Variants in ZNF44 observed in about 807,000 individuals in gnomAD.
ZNF44 encodes zinc finger protein 44.
In ZNF44, 9 loss-of-function variants were observed where a neutral mutation model predicts 11.7. That is an observed-to-expected ratio of 0.77 (90% CI 0.46 to 1.35). The LOEUF is 1.35. ZNF44 is among the 40% of genes most tolerant of loss of function. ZNF44 has a pLI of 0.00. For synonymous variants in ZNF44, 224 were observed against 242.7 expected (o/e 0.92, Z 0.72); for missense variants, 696 against 743.1 (o/e 0.94, Z 0.74).
At position 12,294,853 on chromosome 19, in the gene ZNF44, C is replaced by T; in HGVS notation, c.-159G>A. ...GAGGCCACTAGCTCCTGGAACGTCA[C>T]ACCCTCCTCTCTGCCTCGCGCCTGA... On this transcript the variant is annotated 5_prime_UTR_variant, in exon 1 of 4. The change creates a new upstream start codon in the 5' untranslated region. Transcript: ENST00000355684. 1 of 778,850 alleles carries T rather than the reference C, an allele frequency of 1.3e-6. No homozygotes were observed. The allele number at this position is 778,850 out of a possible 1,614,324, so 48.2% of individuals were successfully genotyped here.
Position 12,272,294 on chromosome 19 carries a change from C to A in ZNF44, c.*113G>T. On this transcript the variant is annotated 3_prime_UTR_variant, in exon 4 of 4. Coordinates refer to ENST00000355684, the MANE Select transcript of ZNF44 (RefSeq NM_016264.4). ...CTGGGATTACAGGTGTGAGCCGCTG[C>A]GCCCAGCCTGGAAACTTCTTAAGGC... The A allele has an allele frequency of 7.2e-7, 1 of 1,380,756 alleles. No individual in the cohort carries two copies. Among genetic ancestry groups the A allele is most frequent in the Non-Finnish European group, 9.3e-7 (1 of 1,071,440 alleles). 85.5% of individuals were successfully genotyped at this position (1,380,756 alleles called of 1,614,324 possible).
chr19:12,230,572 GACA>G (rs944512732), intron 2 of ZNF44: 1 of 149,692 alleles, frequency 6.7e-6, no homozygotes, highest in Non-Finnish European at 1.5e-5. Context: ...TGAATAAAAA[GACA>G]ACGAGTGGTG....
intron 1 of ZNF44, among the ~76,000 whole-genome samples, chr19:12,276,657 C>T (rs1967234173): frequency 6.6e-6 from 1 of 152,166 alleles, no homozygotes; most frequent in Non-Finnish European, 1.5e-5. Context: ...ACCCAATCAG[C>T]CACTGCTAGG....
chr19:12,242,581 G>A (rs1390701139), upstream of ZNF44: 7 of 146,798 alleles, frequency 4.8e-5, no homozygotes, highest in South Asian at 8.5e-4. Context: ...CCAGCACTTC[G>A]AGAGGCCAAG....
At chr19:12,249,304 G>A (rs1203333694) in intron 7 of ZNF44, among the ~76,000 whole-genome samples, 1 of 151,334 alleles carries the variant, frequency 6.6e-6, no homozygotes, top group Non-Finnish European at 1.5e-5. Flanking sequence ...AGGAGATCGA[G>A]ACCATCCTGG....
chr19:12,244,483 T>TA (rs1182633383), downstream of ZNF44: 1 of 152,498 alleles, frequency 6.6e-6, no homozygotes, highest in Non-Finnish European at 1.5e-5. Flanking sequence ...CAGTGTCCAT[T>TA]ATACCACAGG....
chr19:12,232,598 C>T (rs79995622), intron 2 of ZNF44, among the ~76,000 whole-genome samples: 1 of 152,310 alleles, frequency 6.6e-6, no homozygotes, highest in South Asian at 2.1e-4. Flanking sequence ...ATCTTGCACC[C>T]CCCTTAATCC....
chr19:12,281,565 C>T (rs918192429), intron 1 of ZNF44, among the ~76,000 whole-genome samples: 4 of 151,918 alleles, frequency 2.6e-5, no homozygotes, highest in South Asian at 2.1e-4. Context: ...AGGAAAGTAA[C>T]GATGAGAAGA....
chr19:12,264,882 G>C (rs957523284), intron 5 of ZNF44, among the ~76,000 whole-genome samples: 10 of 151,998 alleles, frequency 6.6e-5, no homozygotes, highest in African/African-American at 2.4e-4. Context: ...TTTTTTGTTA[G>C]AGACAGGGTT....
At chr19:12,260,131 C>G in intron 5 of ZNF44, 1 of 721,988 alleles carries the variant, frequency 1.4e-6, no homozygotes, top group Non-Finnish European at 2.6e-6. Context: ...CCACCATGTC[C>G]GCGCATCTGC....
chr19:12,291,152 T>A (rs1967991426), intron 1 of ZNF44: 2 of 409,786 alleles, frequency 4.9e-6, no homozygotes, highest in South Asian at 3.6e-5. Flanking sequence ...ATATTTAAGT[T>A]CTTTAGCTAT....
At chr19:12,292,855 G>GTTTTTTTTTTTTTTTTTT (rs71166664) in intron 1 of ZNF44, among the ~76,000 whole-genome samples, 5 of 76,912 alleles carry the variant, frequency 6.5e-5, no homozygotes, top group African/African-American at 2.4e-4. Context: ...CAGAGGTTAG[G>GTTTTTTTTTTTTTTTTTT]TTTTTTTTTT....
At chr19:12,287,138 C>T (rs966177906) in intron 1 of ZNF44, among the ~76,000 whole-genome samples, 1 of 151,450 alleles carries the variant, frequency 6.6e-6, no homozygotes, top group Non-Finnish European at 1.5e-5. Context: ...GATATATTGC[C>T]TTGTAAAGTC....
Position 12,256,697 on chromosome 19 carries a change from C to CTT in ZNF44, c.1913-6331_1913-6330dup, listed in dbSNP as rs950614463. ...TGACTGTCCCCAGAGAGCAATTACT[C>CTT]TTTTTTTTTTTTTTTTTTTTTGAGA... is the stretch of plus-strand genomic sequence containing the variant. On this transcript the variant is annotated intron_variant and NMD_transcript_variant, in intron 5 of 7. Transcript: ENST00000393337. 5.4e-3 allele frequency among the ~76,000 whole-genome samples: 556 copies of CTT among 102,714 alleles called. 7 individuals carry two copies. Among genetic ancestry groups the CTT allele is most frequent in the African/African-American group, 0.012 (239 of 20,530 alleles). The allele number at this position is 102,714 out of a possible 152,430, so 67.4% of individuals were successfully genotyped here. A position where few individuals can be genotyped will look rare whatever the true frequency, so the allele number is the denominator to read the frequency against.
intron 1 of ZNF44, among the ~76,000 whole-genome samples, chr19:12,292,882 A>C (rs1010807390): frequency 1.6e-4 from 7 of 43,028 alleles, no homozygotes; most frequent in African/African-American, 7.5e-4. Context: ...TTTTTTTTTG[A>C]GACAGAGTTT....
chr19:12,235,136 G>A (rs34493209), intron 1 of ZNF44, among the ~76,000 whole-genome samples: 4 of 151,986 alleles, frequency 2.6e-5, no homozygotes, highest in Admixed American at 6.5e-5. Context: ...CAACACTTTG[G>A]GGGGCAGAGG....
intron 5 of ZNF44, among the ~76,000 whole-genome samples, chr19:12,251,425 C>T (rs370948185): frequency 3.3e-5 from 5 of 151,830 alleles, no homozygotes; most frequent in African/African-American, 1.2e-4. Flanking sequence ...GCCTGGGAGG[C>T]AGAGGTTGCA....
At position 12,232,250 on chromosome 19, in the gene ZNF44, C is replaced by G. The variant is rs534833809; in HGVS notation, n.381-1735G>C. Among the ~76,000 whole-genome samples the G allele has an allele frequency of 2.8e-3, 427 of 152,364 alleles. 1 individual carries two copies. The highest frequency in any genetic ancestry group is 5.4e-3 in the Non-Finnish European group (369 of 68,024). On this transcript the variant is annotated intron_variant and non_coding_transcript_variant, in intron 2 of 3. Coordinates refer to the ZNF44 transcript ENST00000597563. ...TATCTCAGTAGCTAGAACGTACAAT[C>G]GGGTTTTATACCGAGACATTCCATT...
downstream of ZNF44, chr19:12,247,238 T>C: frequency 8.7e-7 from 1 of 1,150,100 alleles, no homozygotes; most frequent in African/African-American, 1.6e-5. Context: ...TTGAAAATCG[T>C]TAAAATTGAA....
Sources: allele counts gnomAD v4.1 joint callset (sites outside exome capture counted in the v4.1 genomes callset), GRCh38; gene constraint gnomAD v4.1.1; transcripts MANE v1.5; gene names NCBI Gene and HGNC (gene_info 2026-07-23, HGNC 2026-07-21).